Variants in ARMH3 observed in about 807,000 individuals in gnomAD.
ARMH3 encodes armadillo-like helical domain-containing protein 3.
In ARMH3, 60 loss-of-function variants were observed where a neutral mutation model predicts 99.1. The observed-to-expected ratio is 0.61, with a 90% CI of 0.49 to 0.75. ARMH3 has a LOEUF of 0.75. Ranked by LOEUF, ARMH3 falls within the 30% of genes least tolerant of loss-of-function variation. ARMH3 has a pLI of 0.00. For synonymous variants in ARMH3, 285 were observed against 292.8 expected (o/e 0.97, Z 0.27); for missense variants, 679 against 843.1 (o/e 0.81, Z 2.41).
intron 23 of ARMH3, among the ~76,000 whole-genome samples, chr10:101,903,190 T>C (rs1160479533): frequency 6.6e-6 from 1 of 152,240 alleles, no homozygotes; most frequent in African/African-American, 2.4e-5. Context: ...ACTCTGCAAA[T>C]TGACTGCTTT....
chr10:101,863,159 C>G (rs1269543157), intron 24 of ARMH3, among the ~76,000 whole-genome samples: 1 of 152,130 alleles, frequency 6.6e-6, no homozygotes, highest in Non-Finnish European at 1.5e-5. Context: ...GCCAAGATCA[C>G]GCCACTGCAC....
At chr10:101,953,109 A>G (rs957731790) in intron 22 of ARMH3, among the ~76,000 whole-genome samples, 4 of 152,068 alleles carry the variant, frequency 2.6e-5, no homozygotes, top group African/African-American at 9.7e-5. Flanking sequence ...GAATGGTGCT[A>G]TTATAAACTT....
rs545063419 is a variant in ARMH3 at position 101,974,890 on chromosome 10, C to T, written c.1495+322G>A. Among the ~76,000 whole-genome samples, 29 of 151,848 alleles carry T rather than the reference C, an allele frequency of 1.9e-4. 1 individual carries two copies. Among genetic ancestry groups the T allele is most frequent in the Non-Finnish European group, 3.7e-4 (25 of 67,966 alleles). Reference sequence around the variant, plus strand: ...GAACCCAAGTTTGTACCGACTCCTCCTACCTCATTCTTACTCAAAGGAAGA... The same window carrying T: ...GAACCCAAGTTTGTACCGACTCCTCTTACCTCATTCTTACTCAAAGGAAGA... On this transcript the variant is annotated intron_variant, in intron 20 of 25. Coordinates refer to ENST00000370033, the MANE Select transcript of ARMH3 (RefSeq NM_024541.3).
intron 1 of ARMH3, among the ~76,000 whole-genome samples, chr10:102,041,427 C>G (rs2067422957): frequency 6.6e-6 from 1 of 151,952 alleles, no homozygotes; most frequent in South Asian, 2.1e-4. Context: ...CAGACAAAAC[C>G]GACACAGCAG....
chr10:101,868,944 C>T (rs867543817), intron 24 of ARMH3, among the ~76,000 whole-genome samples: 5 of 151,906 alleles, frequency 3.3e-5, no homozygotes, highest in South Asian at 2.1e-4. Context: ...TGGTGGCAGG[C>T]GCCTGTAATC....
In ARMH3 at chr10:101,849,889, G is replaced by C. The variant is rs1564686489; in HGVS notation, c.1864C>G (p.Leu622Val). The change falls in exon 25 of 26, where the codon CTG becomes GTG. Residue 622 changes from leucine to valine, a missense_variant. Leu to Val is a conservative substitution (Grantham distance 32, BLOSUM62 1). Transcript: ENST00000370033. ...HISQLSEEQV[L>V]EVVRANYDTL... ...TCATAGTTGGCTCTCACCACCTCCA[G>C]CACCTGGAGGACATCAAGGGCCAGG... 2 of 1,613,776 alleles carry C rather than the reference G, an allele frequency of 1.2e-6. No individual in the cohort carries two copies. The highest frequency in any genetic ancestry group is 1.7e-6 in the Non-Finnish European group (2 of 1,179,874).
chr10:101,913,484 G>A (rs1842954516), intron 23 of ARMH3, among the ~76,000 whole-genome samples: 1 of 149,126 alleles, frequency 6.7e-6, no homozygotes, highest in South Asian at 2.1e-4. Context: ...TCCCATCTCA[G>A]CATCCCAAGT....
chr10:101,973,625 G>C (rs988751883), intron 20 of ARMH3, among the ~76,000 whole-genome samples: 6 of 152,078 alleles, frequency 3.9e-5, no homozygotes, highest in African/African-American at 1.4e-4. Flanking sequence ...CAATGGAACA[G>C]GATAATGAGG....
At chr10:101,912,016 G>A (rs973111789) in intron 23 of ARMH3, among the ~76,000 whole-genome samples, 2 of 150,102 alleles carry the variant, frequency 1.3e-5, no homozygotes, top group African/African-American at 4.9e-5. Flanking sequence ...CTGGGCAGCA[G>A]AGCGAGACTC....
At chr10:101,939,814 C>A in intron 23 of ARMH3, 49 bp downstream of exon 23, 1 of 1,512,966 alleles carries the variant, frequency 6.6e-7, no homozygotes, top group Non-Finnish European at 9.2e-7. Flanking sequence ...GTACAATAAA[C>A]CTCAGGAAGA....
chr10:101,957,218 G>C (rs1018337523), intron 21 of ARMH3, among the ~76,000 whole-genome samples: 1 of 152,184 alleles, frequency 6.6e-6, no homozygotes, highest in African/African-American at 2.4e-5. Flanking sequence ...TAAGAAGATA[G>C]TCAAAATGCA....
At chr10:101,929,584 A>G (rs1043287453) in intron 23 of ARMH3, among the ~76,000 whole-genome samples, 13 of 152,352 alleles carry the variant, frequency 8.5e-5, no homozygotes, top group Admixed American at 7.8e-4. Context: ...TAGGAGTAAC[A>G]TTTCTATATT....
intron 23 of ARMH3, among the ~76,000 whole-genome samples, chr10:101,908,271 T>C (rs1473892369): frequency 2.6e-5 from 4 of 152,218 alleles, no homozygotes; most frequent in Admixed American, 6.5e-5. Flanking sequence ...TGCATGTAAA[T>C]ACATCATCAA....
intron 23 of ARMH3, among the ~76,000 whole-genome samples, chr10:101,932,730 C>T (rs893790483): frequency 1.4e-4 from 21 of 152,170 alleles, no homozygotes; most frequent in African/African-American, 5.1e-4. Context: ...AAACAGAAAA[C>T]AGAATGATAA....
At chr10:101,932,814 G>C (rs927424864) in intron 23 of ARMH3, among the ~76,000 whole-genome samples, 4 of 152,218 alleles carry the variant, frequency 2.6e-5, no homozygotes, top group African/African-American at 9.6e-5. Context: ...TGAAGAAAAA[G>C]AAGTAGCCCT....
rs371806912 is a variant in ARMH3, at chr10:102,025,118, C to T, written c.507+38G>A. On this transcript the variant is annotated intron_variant, in intron 6 of 25. Transcript: ENST00000370033. ...AAGTATTCAAACAGGATTGCCCCTC[C>T]TGTCAATTAATACCCTTGACAAACA... The T allele has an allele frequency of 1.1e-5, 16 of 1,519,184 alleles. No homozygotes were observed. The African/African-American group carries it at 1.8e-4, about 17-fold the overall frequency. The allele number at this position is 1,519,184 out of a possible 1,614,324, so 94.1% of individuals were successfully genotyped here.
intron 2 of ARMH3, among the ~76,000 whole-genome samples, chr10:102,037,028 G>A (rs992442552): frequency 1.3e-5 from 2 of 151,482 alleles, no homozygotes; most frequent in African/African-American, 4.8e-5. Flanking sequence ...CTCCAGCTTG[G>A]GCGACAGAGC....
chr10:101,944,326 A>AGAGT (rs1160636874), intron 22 of ARMH3, among the ~76,000 whole-genome samples: 6 of 117,078 alleles, frequency 5.1e-5, no homozygotes, highest in African/African-American at 1.4e-4. Context: ...AGAGAGAGAG[A>AGAGT]GAGTCCAAAC....
At chr10:102,003,795 A>G (rs1470455638) in intron 14 of ARMH3, among the ~76,000 whole-genome samples, 1 of 152,268 alleles carries the variant, frequency 6.6e-6, no homozygotes, top group Non-Finnish European at 1.5e-5. Flanking sequence ...AAAAAGCCTT[A>G]TGAAAAGAAA....
Sources: gnomAD v4.1 joint callset for allele counts (sites outside exome capture counted in the v4.1 genomes callset) on GRCh38, gnomAD v4.1.1 for gene constraint, MANE v1.5 for transcripts, NCBI Gene and HGNC (gene_info 2026-07-23, HGNC 2026-07-21) for gene names.